The following PON2 variants were observed in gnomAD, a reference collection of about 807,000 sequenced individuals.
PON2 encodes serum paraoxonase/arylesterase 2.
In PON2, 27 loss-of-function variants were observed where a neutral mutation model predicts 36.6. That is an observed-to-expected ratio of 0.74 (90% confidence interval 0.54 to 1.02). PON2 has a LOEUF of 1.02. PON2 is among the 50% of genes least tolerant of loss of function. The pLI is 0.00. For synonymous variants in PON2, 149 were observed against 156.3 expected, an observed-to-expected ratio of 0.95 and a Z score of 0.35; for missense variants, 363 against 421.1, an observed-to-expected ratio of 0.86 and a Z score of 1.21.
intron 2 of PON2, among the ~76,000 whole-genome samples, chr7:95,423,236 C>T (rs903189860): frequency 2.7e-5 from 4 of 148,992 alleles, no homozygotes; most frequent in East Asian, 4.0e-4. Context: ...GCGGGAGGAT[C>T]GCTTGAGCCC....
At chr7:95,434,813 C>G (rs1789526174) in intron 1 of PON2, 65 bp downstream of exon 1, 1 of 1,510,758 alleles carries the variant, frequency 6.6e-7, no homozygotes, top group Admixed American at 2.0e-5. Flanking sequence ...TGCGCCCTCC[C>G]CGCACCACGC....
At chr7:95,421,302 C>CA (rs1222300507) in intron 2 of PON2, among the ~76,000 whole-genome samples, 2 of 152,218 alleles carry the variant, frequency 1.3e-5, no homozygotes, top group Non-Finnish European at 2.9e-5. Context: ...TGTCATGTAA[C>CA]ATGGCTGGTT....
intron 1 of PON2, among the ~76,000 whole-genome samples, chr7:95,430,309 A>T (rs990243912): frequency 1.6e-4 from 24 of 150,386 alleles, no homozygotes; most frequent in Admixed American, 1.4e-3. Context: ...CTACAAAAAA[A>T]TTTTTTTGTT....
intron 2 of PON2, among the ~76,000 whole-genome samples, chr7:95,419,547 T>C (rs754321932): frequency 1.3e-5 from 2 of 152,168 alleles, no homozygotes; most frequent in African/African-American, 4.8e-5. Flanking sequence ...GCATCCATGT[T>C]CCCCTTCTTC....
At position 95,416,703 on chromosome 7, in the gene PON2, A is replaced by G. The variant is rs57181315; in HGVS notation, c.146-406T>C. On this transcript the variant is annotated intron_variant, in intron 2 of 8. Transcript: ENST00000222572. ...CCTTGTCCTCTTCTTTGCTCATTCA[A>G]TCTGAAGCAAACAGACATCTTTCTC... 2.6e-3 allele frequency among the ~76,000 whole-genome samples: 389 copies of G among 152,286 alleles called. 2 individuals are homozygous for G. Among genetic ancestry groups the G allele is most frequent in the African/African-American group, 8.7e-3 (363 of 41,560 alleles).
chr7:95,416,453 G>C (rs1789064517), intron 2 of PON2, 156 bp from the exon 3 acceptor site: 1 of 798,832 alleles, frequency 1.3e-6, no homozygotes, highest in Non-Finnish European at 2.0e-6. Flanking sequence ...ATAAATGTCA[G>C]TTTAAACCCC....
At chr7:95,430,557 C>A (rs2116508340) in intron 1 of PON2, among the ~76,000 whole-genome samples, 1 of 152,036 alleles carries the variant, frequency 6.6e-6, no homozygotes, top group South Asian at 2.1e-4. Flanking sequence ...CCTCAGCCTC[C>A]CAAAGTGCTG....
rs778890057 is a variant in PON2, at chr7:95,410,063, T to C, written c.533A>G (p.Tyr178Cys). Residue 178 changes from tyrosine to cysteine, a missense_variant, in exon 6 of 9, where the codon TAT becomes TGT. Physicochemically the swap from Tyr to Cys is radical, Grantham distance 194. Transcript: ENST00000222572. ...DITAVGPAHF[Y>C]ATNDHYFSDP... ...AGAGAAGTAGTGGTCATTTGTGGCA[T>C]AGAAATGTGCCGGTCCAACAGCTGT... is the stretch of plus-strand genomic sequence containing the variant. The C allele has an allele frequency of 4.3e-6, 7 of 1,613,654 alleles. No individual in the cohort carries two copies. The highest frequency in any genetic ancestry group is 2.7e-5 in the African/African-American group (2 of 74,890).
At chr7:95,432,229 G>A (rs1009932545) in intron 1 of PON2, among the ~76,000 whole-genome samples, 38 of 152,174 alleles carry the variant, frequency 2.5e-4, no homozygotes, top group Non-Finnish European at 1.6e-4. Flanking sequence ...GGGCAACAAA[G>A]TGAGACCCTG....
intron 1 of PON2, among the ~76,000 whole-genome samples, chr7:95,433,566 A>G (rs1789491852): frequency 6.6e-6 from 1 of 152,066 alleles, no homozygotes; most frequent in African/African-American, 2.4e-5. Flanking sequence ...AAACCCACCA[A>G]TATTTCCCTT....
chr7:95,417,716 C>CACACACACACACAG (rs772303220), intron 2 of PON2, among the ~76,000 whole-genome samples: 12,431 of 148,764 alleles, frequency 0.084, 649 homozygotes, highest in South Asian at 0.19. Flanking sequence ...CACACACACA[C>CACACACACACACAG]ACACACACAC....
At chr7:95,433,775 C>T (rs1483411191) in intron 1 of PON2, among the ~76,000 whole-genome samples, 1 of 152,154 alleles carries the variant, frequency 6.6e-6, no homozygotes, top group Non-Finnish European at 1.5e-5. Context: ...GGCATGGGCC[C>T]CTTCATGCTC....
At chr7:95,408,533 G>C (rs1323013591) in intron 6 of PON2, among the ~76,000 whole-genome samples, 2 of 152,086 alleles carry the variant, frequency 1.3e-5, no homozygotes, top group Non-Finnish European at 2.9e-5. Flanking sequence ...CTCTCATAAT[G>C]GAAATATAAG....
chr7:95,410,215 A>C, intron 5 of PON2, 114 bp from the exon 6 acceptor site: 1 of 871,040 alleles, frequency 1.1e-6, no homozygotes, highest in Non-Finnish European at 1.8e-6. Context: ...TGGTAAGAGG[A>C]AAAGACGAGC....
chr7:95,425,410 G>A (rs989763689), intron 1 of PON2, among the ~76,000 whole-genome samples: 49 of 152,224 alleles, frequency 3.2e-4, no homozygotes, highest in African/African-American at 1.1e-3. Context: ...CCAGGAAGCA[G>A]TTTGGGACAA....
At chr7:95,409,391 A>C (rs556676024) in intron 6 of PON2, 2 of 152,164 alleles carry the variant, frequency 1.3e-5, no homozygotes, top group Non-Finnish European at 2.9e-5. Flanking sequence ...TCCATGGTAA[A>C]TAAGAAGTAT....
At chr7:95,412,632 A>C in intron 3 of PON2, 155 bp from the exon 4 acceptor site, 2 of 724,242 alleles carry the variant, frequency 2.8e-6, no homozygotes, top group South Asian at 3.4e-5. Flanking sequence ...AACAGAAAAA[A>C]TAATAACGGG....
Position 95,431,666 on chromosome 7 carries a change from C to T in PON2, c.74+3212G>A, listed in dbSNP as rs914422802. Among the ~76,000 whole-genome samples the T allele has an allele frequency of 7.2e-5, 11 of 151,982 alleles. No homozygotes were observed. The East Asian group carries it at 1.4e-3, about 19-fold the overall frequency. ...AACCCCTGACCTCTAGTGATCTGCCCGCCTCAGCCTCCCAAAGTGCTGGGA... is the reference window on the plus strand; with the variant it reads ...AACCCCTGACCTCTAGTGATCTGCCTGCCTCAGCCTCCCAAAGTGCTGGGA... On this transcript the variant is annotated intron_variant, in intron 1 of 8. Transcript: ENST00000222572.
chr7:95,410,856 C>G (rs1447739371), intron 5 of PON2, among the ~76,000 whole-genome samples: 2 of 151,988 alleles, frequency 1.3e-5, no homozygotes, highest in African/African-American at 4.8e-5. Context: ...TGAAAGAGCA[C>G]CATAATGCTT....
Sources: gnomAD v4.1 joint callset for allele counts (sites outside exome capture counted in the v4.1 genomes callset) on GRCh38, gnomAD v4.1.1 for gene constraint, MANE v1.5 for transcripts, NCBI Gene and HGNC (gene_info 2026-07-23, HGNC 2026-07-21) for gene names.